The following ADAMTSL1 variants were observed in gnomAD, a reference collection of about 807,000 sequenced individuals.
ADAMTSL1 encodes the protein ADAMTS-like protein 1.
A neutral mutation model predicts 201.8 loss-of-function variants in ADAMTSL1; 126 were observed. The observed-to-expected ratio is 0.62, with a 90% CI of 0.54 to 0.72. ADAMTSL1 has a LOEUF of 0.72. ADAMTSL1 is among the 30% of genes least tolerant of loss of function. The pLI is 0.00. For missense variants in ADAMTSL1, 2,679 were observed against 2,277.8 expected (o/e 1.18, Z -3.59); for synonymous variants, 1,121 against 903.4 (o/e 1.24, Z -4.32).
chr9:18,741,050 A>C (rs1040888949), intron 15 of ADAMTSL1, among the ~76,000 whole-genome samples: 5 of 152,130 alleles, frequency 3.3e-5, no homozygotes, highest in Admixed American at 6.5e-5. Flanking sequence ...CTGTGCCCCA[A>C]GGAAATAGGG....
At chr9:18,468,915 G>A (rs371970504) in intron 2 of ADAMTSL1, among the ~76,000 whole-genome samples, 17 of 152,278 alleles carry the variant, frequency 1.1e-4, no homozygotes, top group African/African-American at 3.1e-4. Context: ...AGTTTGTCAC[G>A]TAAGCAACAT....
chr9:18,557,994 C>A (rs955345694), intron 3 of ADAMTSL1, among the ~76,000 whole-genome samples: 1 of 151,992 alleles, frequency 6.6e-6, no homozygotes, highest in Non-Finnish European at 1.5e-5. Context: ...TTTGAACTCA[C>A]TGCTGAGGGA....
intron 1 of ADAMTSL1, among the ~76,000 whole-genome samples, chr9:18,109,767 C>T (rs757405964): frequency 1.3e-4 from 20 of 152,134 alleles, no homozygotes; most frequent in Non-Finnish European, 2.5e-4. Flanking sequence ...CTGTCAGCAG[C>T]GTGGCACCAG....
intron 4 of ADAMTSL1, among the ~76,000 whole-genome samples, chr9:18,599,996 C>CAAAAA (rs57914274): frequency 4.6e-5 from 4 of 86,952 alleles, no homozygotes; most frequent in East Asian, 3.6e-4. Flanking sequence ...ACTAAAAATA[C>CAAAAA]AAAAAAAAAA....
intron 23 of ADAMTSL1, among the ~76,000 whole-genome samples, chr9:18,886,369 G>A (rs548364101): frequency 2.0e-5 from 3 of 151,582 alleles, no homozygotes; most frequent in East Asian, 3.9e-4. Context: ...TTGGGTGACC[G>A]AGCGAGACCC....
intron 19 of ADAMTSL1, among the ~76,000 whole-genome samples, chr9:18,780,136 C>T (rs1304797122): frequency 6.6e-6 from 1 of 152,100 alleles, no homozygotes; most frequent in Non-Finnish European, 1.5e-5. Context: ...AAATCCAAGG[C>T]CCATGGCCCA....
chr9:18,399,180 G>A (rs1817865511), intron 2 of ADAMTSL1, among the ~76,000 whole-genome samples: 1 of 150,290 alleles, frequency 6.7e-6, no homozygotes, highest in African/African-American at 2.5e-5. Context: ...TAAATCAAGG[G>A]TTGAAGAAAG....
At chr9:18,721,448 C>G (rs1833363423) in intron 14 of ADAMTSL1, 88 bp from the exon 15 acceptor site, 2 of 1,546,496 alleles carry the variant, frequency 1.3e-6, no homozygotes, top group East Asian at 2.3e-5. Context: ...ACACAGGGAC[C>G]TCCCACCAGC....
At chr9:18,314,810 T>TA (rs1834305663) in intron 2 of ADAMTSL1, among the ~76,000 whole-genome samples, 1 of 131,094 alleles carries the variant, frequency 7.6e-6, no homozygotes, top group Non-Finnish European at 1.6e-5. Context: ...TTTTTTTTTT[T>TA]TTTTGAGACG....
intron 1 of ADAMTSL1, among the ~76,000 whole-genome samples, chr9:18,079,935 T>C (rs979646791): frequency 1.3e-5 from 2 of 152,014 alleles, no homozygotes; most frequent in Non-Finnish European, 2.9e-5. Context: ...AGTGAGGAAG[T>C]GTGTGGGATG....
intron 2 of ADAMTSL1, among the ~76,000 whole-genome samples, chr9:18,244,463 C>T (rs983826245): frequency 2.6e-5 from 4 of 152,102 alleles, no homozygotes; most frequent in Non-Finnish European, 5.9e-5. Context: ...ATCCCACACC[C>T]CATGTACTTC....
chr9:18,139,378 A>C (rs1176324554), intron 1 of ADAMTSL1, among the ~76,000 whole-genome samples: 1 of 152,126 alleles, frequency 6.6e-6, no homozygotes, highest in East Asian at 1.9e-4. Flanking sequence ...CAGCAGATTT[A>C]ACAGCAACAA....
chr9:18,057,293 C>G (rs1390441947), intron 1 of ADAMTSL1, among the ~76,000 whole-genome samples: 1 of 152,104 alleles, frequency 6.6e-6, no homozygotes, highest in Admixed American at 6.5e-5. Context: ...ATGAAAAATC[C>G]TCTAGAAATA....
Position 18,842,162 on chromosome 9 carries a change from C to G in ADAMTSL1, c.4249+12185C>G, listed in dbSNP as rs1825762838. On this transcript the variant is annotated intron_variant, in intron 23 of 28. Coordinates refer to ENST00000380548, the MANE Select transcript of ADAMTSL1 (RefSeq NM_001040272.6). The stretch of plus-strand genomic sequence containing the variant: ...CAATTTTGGATCTTTCCTGCTTTCT[C>G]TTGCGGGCATTTAGTGCTATAAATT... Among the ~76,000 whole-genome samples, 2 of 151,944 alleles carry G rather than the reference C, an allele frequency of 1.3e-5. 1 individual carries two copies. The highest frequency in any genetic ancestry group is 4.2e-4 in the South Asian group (2 of 4,796).
In ADAMTSL1 at chr9:18,680,408, T is replaced by C. The variant is rs989384592; in HGVS notation, c.1233T>C (p.His411=). Reference sequence around the variant, plus strand: ...GTGTGGAGGAGGACATCCAGGGGCATGTCACTTCAGTGGAAGAGTGGAAAT... The same window carrying C: ...GTGTGGAGGAGGACATCCAGGGGCACGTCACTTCAGTGGAAGAGTGGAAAT... ...VSCVEEDIQG[H]VTSVEEWKCM... is the part of the protein sequence containing the mutation. Residue 411 remains histidine (H), a synonymous_variant, in exon 11 of 29, where the codon CAT becomes CAC. Coordinates refer to ENST00000380548, the MANE Select transcript of ADAMTSL1 (RefSeq NM_001040272.6). 6.2e-7 allele frequency: 1 copy of C among 1,614,014 alleles called. No homozygotes were observed. The highest frequency in any genetic ancestry group is 8.5e-7 in the Non-Finnish European group (1 of 1,180,036).
intron 9 of ADAMTSL1, among the ~76,000 whole-genome samples, chr9:18,667,276 G>A (rs1829505248): frequency 6.7e-6 from 1 of 149,956 alleles, no homozygotes. Flanking sequence ...ATTGTCTCTG[G>A]CCAGGAACCA....
chr9:18,290,786 T>TTG (rs200810229), intron 2 of ADAMTSL1, among the ~76,000 whole-genome samples: 293 of 107,550 alleles, frequency 2.7e-3, no homozygotes, highest in Admixed American at 4.3e-3. Flanking sequence ...TGTGTGTTTT[T>TTG]TTTTTTTTTT....
Position 18,688,689 on chromosome 9 carries a change from A to AATATATAT in ADAMTSL1, c.1574+3902_1574+3909dup, listed in dbSNP as rs1554730405. ...AAAAAAAAAAAAAAAAAAAAAAAAA[A>AATATATAT]ATATATATATATATATATATGACTG... On this transcript the variant is annotated intron_variant, in intron 13 of 28. Coordinates refer to ENST00000380548, the MANE Select transcript of ADAMTSL1 (RefSeq NM_001040272.6). Among the ~76,000 whole-genome samples the AATATATAT allele has an allele frequency of 6.6e-3, 57 of 8,648 alleles. 4 individuals carry two copies. Among genetic ancestry groups the AATATATAT allele is most frequent in the African/African-American group, 0.019 (50 of 2,680 alleles). 5.7% of individuals were successfully genotyped at this position (8,648 alleles called of 152,430 possible).
At chr9:18,881,507 A>ATTAAG (rs1398901204) in intron 23 of ADAMTSL1, among the ~76,000 whole-genome samples, 2 of 152,234 alleles carry the variant, frequency 1.3e-5, no homozygotes, top group Admixed American at 6.5e-5. Flanking sequence ...ACATTTATCA[A>ATTAAG]TTAAGTTCAT....
Sources: gnomAD v4.1 joint callset for allele counts (sites outside exome capture counted in the v4.1 genomes callset) on GRCh38, gnomAD v4.1.1 for gene constraint, MANE v1.5 for transcripts, NCBI Gene and HGNC (gene_info 2026-07-23, HGNC 2026-07-21) for gene names.